The following ZFAT variants were observed in gnomAD, a reference collection of about 807,000 sequenced individuals.
ZFAT encodes zinc finger protein ZFAT.
In ZFAT, 64 loss-of-function variants were observed where a neutral mutation model predicts 117.7. That is an observed-to-expected ratio of 0.54 (90% CI 0.44 to 0.67). ZFAT has a LOEUF of 0.67. Ranked by LOEUF, ZFAT falls within the 30% of genes least tolerant of loss-of-function variation. The probability of loss-of-function intolerance (pLI) is 0.00; values close to 1 mark genes in which losing one functional copy is unlikely to be tolerated. For missense variants in ZFAT, 1,433 were observed against 1,584.5 expected, an observed-to-expected ratio of 0.90 and a Z score of 1.62; for synonymous variants, 679 against 615.0, an observed-to-expected ratio of 1.10 and a Z score of -1.54.
the ZFAT span, among the ~76,000 whole-genome samples, chr8:134,752,009 C>T: frequency 6.6e-6 from 1 of 152,190 alleles, no homozygotes; most frequent in Non-Finnish European, 1.5e-5. Flanking sequence ...GCCCTGGACA[C>T]ATTTCTTTTT....
At chr8:134,743,648 C>T in the ZFAT span, among the ~76,000 whole-genome samples, 5 of 152,254 alleles carry the variant, frequency 3.3e-5, no homozygotes, top group South Asian at 1.0e-3. Flanking sequence ...TTGTAATCAG[C>T]CTGCTGGTTA....
chr8:134,602,222 G>T lies in ZFAT; in HGVS notation c.1497C>A (p.Cys499Ter). The T allele has an allele frequency of 6.2e-7, 1 of 1,613,628 alleles. No individual in the cohort carries two copies. Among genetic ancestry groups the T allele is most frequent in the Admixed American group, 1.7e-5 (1 of 60,028 alleles). Residue 499 changes from cysteine (C) to a stop codon, truncating the protein, a stop_gained, in exon 6 of 16, where the codon TGC (cysteine) becomes TGA (stop). Transcript: ENST00000377838. LOFTEE classifies it high-confidence loss of function. ...VFTSSINQSFCLLEPGGDIQQ... is the reference protein window; with the variant it reads ...VFTSSINQSF ...GGATGTCCCCACCAGGTTCCAGGAG[G>T]CAGAAGCTCTGGTTGATGGAACTGG...
the ZFAT span, chr8:134,794,314 CT>C: frequency 6.6e-6 from 1 of 152,178 alleles, no homozygotes; most frequent in Non-Finnish European, 1.5e-5. Context: ...AGTTTGCCAC[CT>C]TTTATGAACA....
At chr8:134,600,384 A>C in intron 7 of ZFAT, 52 bp downstream of exon 7, 1 of 1,503,114 alleles carries the variant, frequency 6.7e-7, no homozygotes, top group Non-Finnish European at 9.3e-7. Flanking sequence ...AAACTTGAGA[A>C]AGCAATGAGC....
chr8:134,779,618 A>G, the ZFAT span, among the ~76,000 whole-genome samples: 2 of 152,226 alleles, frequency 1.3e-5, no homozygotes, highest in Admixed American at 6.5e-5. Flanking sequence ...AAGTCTGGCT[A>G]CAAGAATGAT....
At chr8:134,793,720 C>G in the ZFAT span, 1 of 141,568 alleles carries the variant, frequency 7.1e-6, no homozygotes, top group Non-Finnish European at 1.5e-5. Context: ...AGACCAGTAC[C>G]AGTCAAGAGT....
At chr8:134,669,110 C>A (rs901837262) in intron 1 of ZFAT, among the ~76,000 whole-genome samples, 2 of 152,148 alleles carry the variant, frequency 1.3e-5, no homozygotes, top group African/African-American at 4.8e-5. Flanking sequence ...TGTGAAAAGA[C>A]CAAATCTACG....
At chr8:134,572,962 A>T (rs1825033485) in intron 10 of ZFAT, among the ~76,000 whole-genome samples, 1 of 152,270 alleles carries the variant, frequency 6.6e-6, no homozygotes, top group South Asian at 2.1e-4. Context: ...TCTCACAAGC[A>T]CAATGTGAAA....
chr8:134,672,559 T>TA (rs561374545), intron 1 of ZFAT, among the ~76,000 whole-genome samples: 6 of 148,306 alleles, frequency 4.0e-5, no homozygotes, highest in South Asian at 2.1e-4. Flanking sequence ...AGTATAATAA[T>TA]AAAAAAAAAG....
In ZFAT at chr8:134,577,181, C is replaced by T. The variant is rs1054397138; in HGVS notation, c.2887+6651G>A. 2.0e-5 allele frequency among the ~76,000 whole-genome samples: 3 copies of T among 152,160 alleles called. 1 individual carries two copies. The highest frequency in any genetic ancestry group is 4.4e-5 in the Non-Finnish European group (3 of 68,026). On this transcript the variant is annotated intron_variant, in intron 10 of 15. Transcript: ENST00000377838. ...TTGGCATACACACAAAGGGTTTAAT[C>T]GAGCCCTTTATAGATCAATTTCTCT... is the stretch of plus-strand genomic sequence containing the variant.
intron 9 of ZFAT, among the ~76,000 whole-genome samples, chr8:134,586,583 G>A (rs890171531): frequency 1.3e-5 from 2 of 152,202 alleles, no homozygotes; most frequent in Non-Finnish European, 2.9e-5. Context: ...TTCCATCAGG[G>A]TCAGCTCCCT....
At chr8:134,696,514 C>A in intron 1 of ZFAT, 1 of 984,312 alleles carries the variant, frequency 1.0e-6, no homozygotes, top group Non-Finnish European at 1.2e-6. Flanking sequence ...GGTGAGGCCA[C>A]CGCCTCTCCA....
At position 134,637,722 on chromosome 8, in the gene ZFAT, A is replaced by G. The variant is rs1466327288; in HGVS notation, c.197-10T>C. ...TTCATGACCAAAAACTCTACAGAGG[A>G]AACAAGAGGGCACAATGGAATCACG... On this transcript the variant is annotated splice_polypyrimidine_tract_variant and intron_variant, in intron 2 of 15. Coordinates refer to ENST00000377838, the MANE Select transcript of ZFAT (RefSeq NM_020863.4). 1 of 1,611,014 alleles carries G rather than the reference A, an allele frequency of 6.2e-7. No homozygotes were observed. The highest frequency in any genetic ancestry group is 1.7e-5 in the Admixed American group (1 of 59,944).
At chr8:134,668,534 C>A (rs1194081719) in intron 1 of ZFAT, among the ~76,000 whole-genome samples, 1 of 152,258 alleles carries the variant, frequency 6.6e-6, no homozygotes, top group African/African-American at 2.4e-5. Context: ...AGACCTGCAG[C>A]TGAGGGTCCT....
chr8:134,641,743 G>A (rs1242851322), intron 2 of ZFAT, among the ~76,000 whole-genome samples: 2 of 152,142 alleles, frequency 1.3e-5, no homozygotes, highest in Non-Finnish European at 2.9e-5. Context: ...GAAATATCTG[G>A]AAAAGAAGCC....
chr8:134,602,508 T>C lies in ZFAT; in HGVS notation c.1211A>G (p.Tyr404Cys). Reference sequence around the variant, plus strand: ...CTTGCGCTCACAGATGTGGCAGTCATAGAGCAGCTGCCGCTTGCCCTCCCT... The same window carrying C: ...CTTGCGCTCACAGATGTGGCAGTCACAGAGCAGCTGCCGCTTGCCCTCCCT... ...MTREGKRQLL[Y>C]DCHICERKFK... Residue 404 changes from tyrosine to cysteine, a missense_variant, in exon 6 of 16, where the codon TAT (tyrosine) becomes TGT (cysteine). Tyr to Cys is a radical substitution (Grantham distance 194). Transcript: ENST00000377838. 1.2e-6 allele frequency: 2 copies of C among 1,613,916 alleles called. No homozygotes were observed. Among genetic ancestry groups the C allele is most frequent in the South Asian group, 1.1e-5 (1 of 91,080 alleles).
At chr8:134,659,356 G>A (rs1048195496) in intron 1 of ZFAT, among the ~76,000 whole-genome samples, 9 of 152,276 alleles carry the variant, frequency 5.9e-5, no homozygotes, top group East Asian at 1.9e-4. Context: ...CAAGGTGTGC[G>A]GGTGAGAGCA....
chr8:134,775,759 T>C, the ZFAT span, among the ~76,000 whole-genome samples: 1 of 152,194 alleles, frequency 6.6e-6, no homozygotes, highest in African/African-American at 2.4e-5. Context: ...TTGTCTTATG[T>C]AGGAAGATTG....
At chr8:134,793,743 G>C in the ZFAT span, 1 of 146,648 alleles carries the variant, frequency 6.8e-6, no homozygotes, top group Non-Finnish European at 1.5e-5. Context: ...GGGGGCTGGA[G>C]ACTCTTGTGC....
Sources: allele counts gnomAD v4.1 joint callset (sites outside exome capture counted in the v4.1 genomes callset), GRCh38; gene constraint gnomAD v4.1.1; transcripts MANE v1.5; gene names NCBI Gene and HGNC (gene_info 2026-07-23, HGNC 2026-07-21).